The following RANBP9 variants were observed in gnomAD, a reference collection of about 807,000 sequenced individuals.
The protein encoded by RANBP9 is RAN binding protein 9, also known as ran-binding protein 9.
Under a neutral mutation model 84.3 loss-of-function variants are expected in RANBP9, and 15 were observed. The observed-to-expected ratio is 0.18, with a 90% CI of 0.12 to 0.27. The LOEUF is 0.27. Ranked by LOEUF, RANBP9 falls within the 10% of genes least tolerant of loss-of-function variation. RANBP9 has a pLI of 1.00. For missense variants in RANBP9, 809 were observed against 912.8 expected (o/e 0.89, Z 1.46); for synonymous variants, 392 against 349.6 (o/e 1.12, Z -1.35).
At chr6:13,633,947 GGT>G (rs908203719) in intron 11 of RANBP9, among the ~76,000 whole-genome samples, 1 of 3,588 alleles carries the variant, frequency 2.8e-4, no homozygotes, top group Admixed American at 5.3e-3. Context: ...TTGGTGGTGG[GGT>G]TTTTTTTTTT....
At chr6:13,671,008 G>A (rs1765767683) in intron 2 of RANBP9, among the ~76,000 whole-genome samples, 1 of 151,946 alleles carries the variant, frequency 6.6e-6, no homozygotes, top group Non-Finnish European at 1.5e-5. Context: ...CTAAAACAAT[G>A]GGCAAAGGAT....
At chr6:13,634,798 TA>T (rs1369425507) in intron 10 of RANBP9, among the ~76,000 whole-genome samples, 76 of 152,216 alleles carry the variant, frequency 5.0e-4, no homozygotes, top group Non-Finnish European at 8.8e-5. Flanking sequence ...GTAGTGGTTT[TA>T]TGACTTTACA....
rs768104306 is a variant in RANBP9, at chr6:13,711,476, C to CT, written c.29_30insA (p.Gln11AlafsTer208). 1 of 1,208,158 alleles carries CT rather than the reference C, an allele frequency of 8.3e-7. No homozygotes were observed. The highest frequency in any genetic ancestry group is 1.0e-6 in the Non-Finnish European group (1 of 971,208). 74.8% of individuals were successfully genotyped at this position (1,208,158 alleles called of 1,614,324 possible). A position where few individuals can be genotyped will look rare whatever the true frequency, so the allele number is the denominator to read the frequency against. On this transcript the variant is annotated frameshift_variant, in exon 1 of 14. Coordinates refer to ENST00000011619, the MANE Select transcript of RANBP9 (RefSeq NM_005493.3). LOFTEE classifies it high-confidence loss of function. ...GCTGCTGCTGCTGTTGCTGCTGCTGCGGCGGCGGCGGCGGCGGCTGCCCGG... is the reference window on the plus strand; with the variant it reads ...GCTGCTGCTGCTGTTGCTGCTGCTGCTGGCGGCGGCGGCGGCGGCTGCCCGG...
intron 2 of RANBP9, among the ~76,000 whole-genome samples, chr6:13,678,413 T>C (rs532588405): frequency 3.3e-5 from 5 of 152,376 alleles, no homozygotes; most frequent in Non-Finnish European, 5.9e-5. Flanking sequence ...AAAAGCTTGC[T>C]GGCCAGGGCT....
Position 13,629,921 on chromosome 6 carries a change from CGTGT to C in RANBP9, c.1947+2445_1947+2448del, listed in dbSNP as rs3063992. On this transcript the variant is annotated intron_variant, in intron 12 of 13. Coordinates refer to ENST00000011619, the MANE Select transcript of RANBP9 (RefSeq NM_005493.3). Reference sequence around the variant, plus strand: ...TCTCTCTCTCTCTCTCTCTCTCTCTCGTGTGTGTGTGTGTGTGTGTGTATTTGCA... The same window carrying C: ...TCTCTCTCTCTCTCTCTCTCTCTCTCGTGTGTGTGTGTGTGTGTATTTGCA... Among the ~76,000 whole-genome samples the C allele has an allele frequency of 6.5e-4, 83 of 128,426 alleles. 1 individual carries two copies. The highest frequency in any genetic ancestry group is 5.6e-3 in the South Asian group (22 of 3,950). 84.3% of individuals were successfully genotyped at this position (128,426 alleles called of 152,430 possible).
At chr6:13,623,974 T>C (rs2127757398) in intron 13 of RANBP9, among the ~76,000 whole-genome samples, 1 of 152,324 alleles carries the variant, frequency 6.6e-6, no homozygotes, top group African/African-American at 2.4e-5. Context: ...TAATTAGGTC[T>C]TAATGATTAC....
intron 2 of RANBP9, among the ~76,000 whole-genome samples, chr6:13,689,789 C>G (rs552860034): frequency 9.2e-5 from 14 of 152,288 alleles, no homozygotes; most frequent in Non-Finnish European, 2.1e-4. Flanking sequence ...TTTCCTTGAG[C>G]CAAAATTAAT....
intron 2 of RANBP9, among the ~76,000 whole-genome samples, chr6:13,695,537 T>C (rs1001220864): frequency 1.5e-4 from 23 of 152,026 alleles, no homozygotes; most frequent in African/African-American, 5.3e-4. Flanking sequence ...GATGTAGCAT[T>C]AGATTTGAGA....
chr6:13,709,072 AAAC>A lies in RANBP9; in HGVS notation c.571+1860_571+1862del, dbSNP rs1332615351. Among the ~76,000 whole-genome samples the A allele has an allele frequency of 5.9e-5, 9 of 152,342 alleles. No homozygotes were observed. The East Asian group carries it at 1.2e-3, about 20-fold the overall frequency. On this transcript the variant is annotated intron_variant, in intron 1 of 13. Transcript: ENST00000011619. ...AAAGTAATAAAGAGGCCAAGAATAA[AAAC>A]AACTGAGACAGCAGTGTCAGAAATA...
intron 2 of RANBP9, among the ~76,000 whole-genome samples, chr6:13,671,418 T>C (rs1266617547): frequency 6.6e-6 from 1 of 152,248 alleles, no homozygotes; most frequent in African/African-American, 2.4e-5. Context: ...CAAAATGTGA[T>C]ATATTAATAC....
intron 2 of RANBP9, 37 bp from the exon 3 acceptor site, chr6:13,658,869 T>C: frequency 6.6e-7 from 1 of 1,506,006 alleles, no homozygotes; most frequent in Non-Finnish European, 9.2e-7. Flanking sequence ...GAAAAGGACA[T>C]TATTACAGTC....
chr6:13,660,230 T>G (rs1334885764), intron 2 of RANBP9, among the ~76,000 whole-genome samples: 8 of 152,162 alleles, frequency 5.3e-5, no homozygotes, highest in Admixed American at 5.2e-4. Flanking sequence ...ATCTTTCAGA[T>G]AGGCACAGAG....
Position 13,711,564 on chromosome 6 carries a change from C to A in RANBP9, c.-59G>T. ...CTCTTCTCTCCTTCCTCCTCTGCTT[C>A]CCGGGGGCGCTGTCGCTGCGGCCGC... On this transcript the variant is annotated 5_prime_UTR_variant, in exon 1 of 14. Transcript: ENST00000011619. 3 of 1,229,406 alleles carry A rather than the reference C, an allele frequency of 2.4e-6. No individual in the cohort carries two copies. Among genetic ancestry groups the A allele is most frequent in the Non-Finnish European group, 2.0e-6 (2 of 979,498 alleles). 76.2% of individuals were successfully genotyped at this position (1,229,406 alleles called of 1,614,324 possible). A position where few individuals can be genotyped will look rare whatever the true frequency, so the allele number is the denominator to read the frequency against.
At chr6:13,649,429 C>T (rs1271921143) in intron 5 of RANBP9, among the ~76,000 whole-genome samples, 1 of 148,314 alleles carries the variant, frequency 6.7e-6, no homozygotes, top group Admixed American at 6.8e-5. Context: ...ACAACAAAAG[C>T]TCACGCTGAC....
At chr6:13,703,464 C>G (rs1416995336) in intron 1 of RANBP9, among the ~76,000 whole-genome samples, 1 of 152,192 alleles carries the variant, frequency 6.6e-6, no homozygotes, top group Non-Finnish European at 1.5e-5. Context: ...TTGCCCCTAC[C>G]GAAAGAAGTG....
chr6:13,703,698 T>C (rs866794714), intron 1 of RANBP9, among the ~76,000 whole-genome samples: 2 of 152,150 alleles, frequency 1.3e-5, no homozygotes, highest in Non-Finnish European at 2.9e-5. Context: ...AGCCAGTCAG[T>C]AGGGAAAAAG....
intron 2 of RANBP9, among the ~76,000 whole-genome samples, chr6:13,684,147 T>G (rs1372856656): frequency 1.3e-5 from 2 of 152,188 alleles, no homozygotes; most frequent in African/African-American, 4.8e-5. Context: ...GTTAACATAT[T>G]TATGCAGCAC....
chr6:13,672,055 C>CT (rs1409574933), intron 2 of RANBP9, among the ~76,000 whole-genome samples: 2 of 152,122 alleles, frequency 1.3e-5, no homozygotes, highest in African/African-American at 4.8e-5. Flanking sequence ...CTGCTGGAGA[C>CT]TGAGAGTGAA....
At chr6:13,658,634 C>A in intron 3 of RANBP9, 146 bp downstream of exon 3, 2 of 723,912 alleles carry the variant, frequency 2.8e-6, no homozygotes, top group South Asian at 1.9e-5. Flanking sequence ...ACAAAAAAAC[C>A]CCACTCAGCT....
Sources: gnomAD v4.1 joint callset for allele counts (sites outside exome capture counted in the v4.1 genomes callset) on GRCh38, gnomAD v4.1.1 for gene constraint, MANE v1.5 for transcripts, NCBI Gene and HGNC (gene_info 2026-07-23, HGNC 2026-07-21) for gene names.